The following EPHA6 variants were observed in gnomAD, a reference collection of about 807,000 sequenced individuals.
EPHA6 encodes ephrin type-A receptor 6.
Under a neutral mutation model 112.0 loss-of-function variants are expected in EPHA6, and 50 were observed. The observed-to-expected ratio is 0.45, with a 90% CI of 0.36 to 0.56. EPHA6 has a LOEUF of 0.56. EPHA6 is among the 20% of genes least tolerant of loss of function. The pLI, the probability that EPHA6 is intolerant of heterozygous loss-of-function variation, is 0.00. For missense variants in EPHA6, 1,280 were observed against 1,417.4 expected (o/e 0.90, Z 1.56); for synonymous variants, 529 against 490.7 (o/e 1.08, Z -1.03).
chr3:97,121,296 C>A (rs549673358), intron 3 of EPHA6, among the ~76,000 whole-genome samples: 1 of 151,906 alleles, frequency 6.6e-6, no homozygotes, highest in Non-Finnish European at 1.5e-5. Flanking sequence ...ACCAGCTGGG[C>A]GGTTGTCTAA....
chr3:97,336,502 A>C (rs1368636331), intron 5 of EPHA6, among the ~76,000 whole-genome samples: 1 of 152,178 alleles, frequency 6.6e-6, no homozygotes, highest in Non-Finnish European at 1.5e-5. Flanking sequence ...GCCAATCATG[A>C]AATGTGTCTC....
At chr3:96,875,378 C>T (rs892518575) in intron 2 of EPHA6, among the ~76,000 whole-genome samples, 2 of 152,032 alleles carry the variant, frequency 1.3e-5, no homozygotes, top group Non-Finnish European at 2.9e-5. Flanking sequence ...AATACTCGAG[C>T]AACTATGATT....
chr3:97,410,594 G>A (rs183297395), intron 6 of EPHA6, among the ~76,000 whole-genome samples: 12 of 152,066 alleles, frequency 7.9e-5, no homozygotes, highest in African/African-American at 2.2e-4. Flanking sequence ...GTTAAATGTC[G>A]TTATTACACA....
At chr3:97,105,991 C>T (rs774541268) in intron 3 of EPHA6, among the ~76,000 whole-genome samples, 1 of 151,874 alleles carries the variant, frequency 6.6e-6, no homozygotes, top group African/African-American at 2.4e-5. Context: ...TTCTGATTTC[C>T]GTTTGCTTGG....
intron 2 of EPHA6, among the ~76,000 whole-genome samples, chr3:96,968,669 T>C (rs898554697): frequency 6.6e-6 from 1 of 151,816 alleles, no homozygotes; most frequent in Non-Finnish European, 1.5e-5. Context: ...CTCTGTGTGA[T>C]GCATCATAAG....
chr3:97,555,030 T>G (rs548892723), intron 11 of EPHA6, among the ~76,000 whole-genome samples: 20 of 152,082 alleles, frequency 1.3e-4, no homozygotes, highest in Admixed American at 3.9e-4. Flanking sequence ...GCTGCACCCA[T>G]TAACTCGTCA....
intron 13 of EPHA6, 118 bp downstream of exon 13, chr3:97,610,972 A>G: frequency 1.2e-6 from 1 of 832,116 alleles, no homozygotes; most frequent in East Asian, 2.7e-5. Context: ...GAAGAATAGC[A>G]GTGTTTTCTC....
chr3:97,657,830 A>T (rs1163985150), intron 14 of EPHA6, among the ~76,000 whole-genome samples: 1 of 151,758 alleles, frequency 6.6e-6, no homozygotes, highest in African/African-American at 2.4e-5. Flanking sequence ...TCCAATCTGG[A>T]AATTCAGATT....
intron 3 of EPHA6, among the ~76,000 whole-genome samples, chr3:97,196,114 C>T (rs2077434709): frequency 6.6e-6 from 1 of 150,526 alleles, no homozygotes; most frequent in Non-Finnish European, 1.5e-5. Flanking sequence ...CCAGTAACTC[C>T]TAGATTTGCC....
intron 5 of EPHA6, among the ~76,000 whole-genome samples, chr3:97,387,453 G>T (rs567795150): frequency 6.6e-6 from 1 of 151,952 alleles, no homozygotes; most frequent in South Asian, 2.1e-4. Flanking sequence ...AAGTTCAACA[G>T]ATTTTTAGAG....
At chr3:97,579,020 C>T (rs1464609443) in intron 11 of EPHA6, among the ~76,000 whole-genome samples, 3 of 152,158 alleles carry the variant, frequency 2.0e-5, no homozygotes, top group East Asian at 1.9e-4. Context: ...TATTTCTCGA[C>T]AAGCCTGTTC....
At chr3:96,890,323 T>A (rs2037880713) in intron 2 of EPHA6, among the ~76,000 whole-genome samples, 2 of 152,026 alleles carry the variant, frequency 1.3e-5, no homozygotes, top group Admixed American at 1.3e-4. Flanking sequence ...AGAAGACAGA[T>A]GAAGATGACA....
At chr3:97,324,465 C>CTTTCTTTCTTTCTTTCT (rs1553746392) in intron 5 of EPHA6, among the ~76,000 whole-genome samples, 1 of 133,824 alleles carries the variant, frequency 7.5e-6, no homozygotes, top group Non-Finnish European at 1.6e-5. Flanking sequence ...TTCTTTCTTT[C>CTTTCTTTCTTTCTTTCT]TTTCTTTTTC....
intron 2 of EPHA6, among the ~76,000 whole-genome samples, chr3:96,953,691 C>A (rs1333938814): frequency 6.6e-6 from 1 of 151,638 alleles, no homozygotes; most frequent in Non-Finnish European, 1.5e-5. Context: ...TTTATCTCAC[C>A]TGAGAGACAA....
chr3:97,032,606 T>C (rs1265983212), intron 3 of EPHA6, among the ~76,000 whole-genome samples: 1 of 151,846 alleles, frequency 6.6e-6, no homozygotes, highest in African/African-American at 2.4e-5. Flanking sequence ...ACCTTAAGAG[T>C]GGGCTTTTGA....
At chr3:97,699,585 T>C (rs776698310) in intron 14 of EPHA6, among the ~76,000 whole-genome samples, 5 of 152,230 alleles carry the variant, frequency 3.3e-5, no homozygotes, top group Non-Finnish European at 7.3e-5. Context: ...TCTTAACTTC[T>C]GTACTTTACT....
At chr3:97,538,873 T>C (rs1198880741) in intron 11 of EPHA6, among the ~76,000 whole-genome samples, 5 of 152,168 alleles carry the variant, frequency 3.3e-5, no homozygotes, top group Non-Finnish European at 2.9e-5. Context: ...GCAAATTAGA[T>C]TGTGTTGATT....
At chr3:97,328,937 G>A (rs912822375) in intron 5 of EPHA6, among the ~76,000 whole-genome samples, 2 of 151,990 alleles carry the variant, frequency 1.3e-5, no homozygotes, top group African/African-American at 4.8e-5. Flanking sequence ...TATAACATTA[G>A]GCATATCTCC....
At chr3:97,207,139 T>C (rs2077735668) in intron 3 of EPHA6, among the ~76,000 whole-genome samples, 1 of 152,142 alleles carries the variant, frequency 6.6e-6, no homozygotes, top group Admixed American at 6.5e-5. Context: ...TAAAATGTTA[T>C]GTTAATTCCA....
Sources: allele counts gnomAD v4.1 joint callset (sites outside exome capture counted in the v4.1 genomes callset), GRCh38; gene constraint gnomAD v4.1.1; transcripts MANE v1.5; gene names NCBI Gene and HGNC (gene_info 2026-07-23, HGNC 2026-07-21).